Variants in ANKRD36B observed in about 807,000 individuals in gnomAD.
The protein encoded by ANKRD36B is ankyrin repeat domain 36B, also known as ankyrin repeat domain-containing protein 36B.
In ANKRD36B, 37 loss-of-function variants were observed where a neutral mutation model predicts 135.7. That is an observed-to-expected ratio of 0.27 (90% CI 0.21 to 0.36). ANKRD36B has a LOEUF of 0.36. ANKRD36B is among the 10% of genes least tolerant of loss of function. The pLI is 1.00. For missense variants in ANKRD36B, 549 were observed against 1,037.1 expected, an observed-to-expected ratio of 0.53 and a Z score of 6.46; for synonymous variants, 179 against 348.1, an observed-to-expected ratio of 0.51 and a Z score of 5.41.
chr2:97,553,403 T>C (rs1559173202), intron 14 of ANKRD36B, 32 bp from the exon 15 acceptor site: 1 of 1,596,518 alleles, frequency 6.3e-7, no homozygotes, highest in Non-Finnish European at 8.6e-7. Context: ...TAATCACTCA[T>C]ATGTAAATAT....
At chr2:97,559,393 C>G (rs1262487933) in intron 8 of ANKRD36B, among the ~76,000 whole-genome samples, 1 of 151,912 alleles carries the variant, frequency 6.6e-6, no homozygotes, top group East Asian at 1.9e-4. Context: ...CACCATTATA[C>G]TACAGATGTT....
At chr2:97,494,311 G>A (rs2077278941) in intron 43 of ANKRD36B, among the ~76,000 whole-genome samples, 1 of 92,602 alleles carries the variant, frequency 1.1e-5, no homozygotes, top group Non-Finnish European at 2.9e-5. Flanking sequence ...TTTGCAGGCT[G>A]TAGAAGAAGA....
chr2:97,553,898 G>A (rs1290262415), intron 14 of ANKRD36B, among the ~76,000 whole-genome samples: 1 of 151,902 alleles, frequency 6.6e-6, no homozygotes, highest in Non-Finnish European at 1.5e-5. Context: ...GTCCTAAATT[G>A]ATCAGCTTGG....
intron 6 of ANKRD36B, among the ~76,000 whole-genome samples, chr2:97,570,252 A>T (rs2081750013): frequency 6.6e-6 from 1 of 152,180 alleles, no homozygotes; most frequent in Non-Finnish European, 1.5e-5. Flanking sequence ...TTACCATGTT[A>T]TTCACTATCA....
rs185739345 is a variant in ANKRD36B, at chr2:97,589,820, G to A, written c.-135C>T. ...ACAACAGGCAAAGCAGTCTGTGCAC[G>A]GACCTCCGCGCAGACTCTCAGCGCC... On this transcript the variant is annotated 5_prime_UTR_variant, in exon 1 of 44. Transcript: ENST00000359901. 2.2e-5 allele frequency: 28 copies of A among 1,286,020 alleles called. 2 individuals are homozygous for A. The South Asian group carries it at 3.0e-4, about 14-fold the overall frequency. 79.7% of individuals were successfully genotyped at this position (1,286,020 alleles called of 1,614,324 possible).
chr2:97,538,825 CA>C (rs1232869802), intron 30 of ANKRD36B, among the ~76,000 whole-genome samples: 1 of 96,642 alleles, frequency 1.0e-5, no homozygotes, highest in African/African-American at 3.1e-5. Flanking sequence ...AGCAGGTACA[CA>C]ATGACAATGA....
At position 97,535,207 on chromosome 2, in the gene ANKRD36B, A is replaced by G. The variant is rs562664901; in HGVS notation, c.2191+1093T>C. On this transcript the variant is annotated intron_variant, in intron 34 of 43. Transcript: ENST00000359901. ...GGGTGGTAGGAAAAGAGGATGCTTA[A>G]TAAGTACAAACTATAGTTAGAAACA... is the stretch of plus-strand genomic sequence containing the variant. 4.7e-4 allele frequency among the ~76,000 whole-genome samples: 48 copies of G among 101,252 alleles called. 12 individuals are homozygous for G. The East Asian group carries it at 7.1e-3, about 15-fold the overall frequency. 66.4% of individuals were successfully genotyped at this position (101,252 alleles called of 152,430 possible). A position where few individuals can be genotyped will look rare whatever the true frequency, so the allele number is the denominator to read the frequency against.
intron 12 of ANKRD36B, among the ~76,000 whole-genome samples, chr2:97,556,484 T>G (rs2080534500): frequency 6.6e-6 from 1 of 151,878 alleles, no homozygotes; most frequent in South Asian, 2.1e-4. Context: ...CCCTCTTTCT[T>G]GATGAAAATA....
intron 3 of ANKRD36B, among the ~76,000 whole-genome samples, chr2:97,581,324 T>C (rs1183621067): frequency 2.6e-5 from 4 of 152,042 alleles, no homozygotes; most frequent in Non-Finnish European, 5.9e-5. Flanking sequence ...CAGGTGACAA[T>C]GTCAGGAGCT....
chr2:97,543,113 C>T (rs2079230812), intron 26 of ANKRD36B, among the ~76,000 whole-genome samples: 1 of 152,138 alleles, frequency 6.6e-6, no homozygotes, highest in Non-Finnish European at 1.5e-5. Flanking sequence ...AGTCTGATAC[C>T]TAACAGTAAC....
At chr2:97,562,715 C>T (rs2081137251) in intron 6 of ANKRD36B, among the ~76,000 whole-genome samples, 1 of 151,996 alleles carries the variant, frequency 6.6e-6, no homozygotes, top group South Asian at 2.1e-4. Context: ...TCATTATTTT[C>T]ACCACCACTG....
At chr2:97,587,397 C>A (rs1290614490) in intron 1 of ANKRD36B, among the ~76,000 whole-genome samples, 1 of 152,142 alleles carries the variant, frequency 6.6e-6, no homozygotes, top group Non-Finnish European at 1.5e-5. Flanking sequence ...ACATATTTGG[C>A]TTACTAACAC....
intron 12 of ANKRD36B, among the ~76,000 whole-genome samples, chr2:97,555,853 A>G (rs1484086977): frequency 6.6e-6 from 1 of 151,936 alleles, no homozygotes; most frequent in Non-Finnish European, 1.5e-5. Flanking sequence ...TAATCTGCCT[A>G]CATTTCTTGT....
In ANKRD36B at chr2:97,534,094, G is replaced by A. The variant is rs1464665230; in HGVS notation, c.2192-1710C>T. ...AAAGTGTATAATAAGCTTTCAATAT[G>A]TAAATAATTGTCAAAAATGAAAAAA... On this transcript the variant is annotated intron_variant, in intron 34 of 43. Transcript: ENST00000359901. 1.8e-4 allele frequency among the ~76,000 whole-genome samples: 17 copies of A among 92,446 alleles called. 7 individuals carry two copies. The highest frequency in any genetic ancestry group is 4.3e-4 in the Non-Finnish European group (15 of 35,092). The allele number at this position is 92,446 out of a possible 152,430, so 60.6% of individuals were successfully genotyped here.
intron 20 of ANKRD36B, 75 bp downstream of exon 20, chr2:97,549,344 C>A: frequency 6.8e-7 from 1 of 1,475,234 alleles, no homozygotes. Flanking sequence ...ACGAGCCCCC[C>A]GCTGATTTAT....
rs1487521225 is a variant in ANKRD36B, at chr2:97,555,327, T to C, written c.1070-73A>G. The C allele has an allele frequency of 2.5e-6, 4 of 1,594,816 alleles. No homozygotes were observed. The Admixed American group carries it at 6.8e-5, about 27-fold the overall frequency. ...AGTTATCCATACATTCATGAAATGTTAGCATCAAGCTGTATCTTCCTGCCT... is the reference window on the plus strand; with the variant it reads ...AGTTATCCATACATTCATGAAATGTCAGCATCAAGCTGTATCTTCCTGCCT... On this transcript the variant is annotated intron_variant, in intron 12 of 43. Transcript: ENST00000359901.
intron 4 of ANKRD36B, 115 bp downstream of exon 4, chr2:97,580,347 C>T (rs947501864): frequency 2.7e-5 from 24 of 883,366 alleles, no homozygotes; most frequent in African/African-American, 1.7e-5. Context: ...CACTATATCC[C>T]AGTAATTAAA....
Position 97,589,821 on chromosome 2 carries a change from G to A in ANKRD36B, c.-136C>T, listed in dbSNP as rs375849557. 7.8e-7 allele frequency: 1 copy of A among 1,287,930 alleles called. No homozygotes were observed. The highest frequency in any genetic ancestry group is 2.5e-5 in the East Asian group (1 of 40,468). 79.8% of individuals were successfully genotyped at this position (1,287,930 alleles called of 1,614,324 possible). A position where few individuals can be genotyped will look rare whatever the true frequency, so the allele number is the denominator to read the frequency against. On this transcript the variant is annotated 5_prime_UTR_variant, in exon 1 of 44. Coordinates refer to ENST00000359901, the MANE Select transcript of ANKRD36B (RefSeq NM_001393939.1). ...CAACAGGCAAAGCAGTCTGTGCACG[G>A]ACCTCCGCGCAGACTCTCAGCGCCT...
chr2:97,513,309 T>C lies in ANKRD36B; in HGVS notation c.2676A>G (p.Gln892=), dbSNP rs1196517501. ...KKRRNVEELH[Q]KVREKLRITE... ...TTATTCTTAACTTTTCCCTAACTTT[T>C]TGGTGCAACTCTTCAACATTTCTTC... Residue 892 remains glutamine, a synonymous_variant, in exon 38 of 44, where the codon CAA becomes CAG. Coordinates refer to ENST00000359901, the MANE Select transcript of ANKRD36B (RefSeq NM_001393939.1). 3.2e-6 allele frequency: 5 copies of C among 1,570,714 alleles called. No homozygotes were observed. The highest frequency in any genetic ancestry group is 4.3e-6 in the Non-Finnish European group (5 of 1,167,660).
Sources: gnomAD v4.1 joint callset for allele counts (sites outside exome capture counted in the v4.1 genomes callset) on GRCh38, gnomAD v4.1.1 for gene constraint, MANE v1.5 for transcripts, NCBI Gene and HGNC (gene_info 2026-07-23, HGNC 2026-07-21) for gene names.